Variants in RAD50 observed in about 807,000 individuals in gnomAD.
The protein encoded by RAD50 is RAD50 double strand break repair protein.
A neutral mutation model predicts 168.8 loss-of-function variants in RAD50; 132 were observed. That is an observed-to-expected ratio of 0.78 (90% CI 0.68 to 0.90). The LOEUF (loss-of-function observed/expected upper bound fraction) is 0.90, where lower values mean the gene tolerates loss of function less well. Among genes scored for constraint, RAD50 ranks in the 40% least tolerant of loss-of-function variants. The pLI is 0.00. For missense variants in RAD50, 1,347 were observed against 1,534.4 expected (o/e 0.88, Z 2.04); for synonymous variants, 525 against 497.4 (o/e 1.06, Z -0.74).
chr5:132,568,075 AAATTTTT>A (rs1324997734), intron 2 of RAD50, among the ~76,000 whole-genome samples: 1 of 151,460 alleles, frequency 6.6e-6, no homozygotes, highest in Admixed American at 6.6e-5. Context: ...AATTTTTTTT[AAATTTTT>A]TTTTTTGAGA....
chr5:132,634,385 A>C (rs1180093814), intron 21 of RAD50, among the ~76,000 whole-genome samples: 1 of 151,784 alleles, frequency 6.6e-6, no homozygotes, highest in Non-Finnish European at 1.5e-5. Context: ...TTGCCTCTAG[A>C]TAATAAAACT....
At position 132,595,814 on chromosome 5, in the gene RAD50, A is replaced by G. The variant is rs1279333634; in HGVS notation, c.2207+4A>G. The G allele has an allele frequency of 6.9e-6, 11 of 1,587,990 alleles. No individual in the cohort carries two copies. The East Asian group carries it at 1.8e-4, about 26-fold the overall frequency. ...TGCTGGGACTTGTGCCCATGAGGTAAGAATGGGATTTACCTTCACTGTACA... is the reference window on the plus strand; with the variant it reads ...TGCTGGGACTTGTGCCCATGAGGTAGGAATGGGATTTACCTTCACTGTACA... On this transcript the variant is annotated splice_donor_region_variant and intron_variant, in intron 13 of 24. Coordinates refer to ENST00000378823, the MANE Select transcript of RAD50 (RefSeq NM_005732.4).
chr5:132,595,078 T>C (rs770516258), intron 12 of RAD50, 34 bp downstream of exon 12: 1 of 1,572,350 alleles, frequency 6.4e-7, no homozygotes, highest in Non-Finnish European at 8.7e-7. Context: ...CAGGATACTT[T>C]GACACCTTTG....
intron 16 of RAD50, among the ~76,000 whole-genome samples, chr5:132,607,728 A>C (rs1288800692): frequency 6.6e-6 from 1 of 152,210 alleles, no homozygotes; most frequent in Non-Finnish European, 1.5e-5. Flanking sequence ...ATGAGTGCCT[A>C]AGTTTATGCA....
chr5:132,623,679 G>A (rs1053727880), intron 21 of RAD50, among the ~76,000 whole-genome samples: 10 of 152,148 alleles, frequency 6.6e-5, no homozygotes, highest in Non-Finnish European at 1.3e-4. Context: ...TGTGGCAGGA[G>A]AATTATTACT....
intron 13 of RAD50, among the ~76,000 whole-genome samples, chr5:132,599,464 GTCT>G (rs932110531): frequency 1.2e-4 from 19 of 152,320 alleles, no homozygotes; most frequent in African/African-American, 4.3e-4. Context: ...GAGAGAGGAA[GTCT>G]TCTTCCCAAT....
At chr5:132,580,807 T>C (rs967453675) in intron 5 of RAD50, among the ~76,000 whole-genome samples, 1 of 152,218 alleles carries the variant, frequency 6.6e-6, no homozygotes, top group Non-Finnish European at 1.5e-5. Context: ...CCTTAAGGTA[T>C]TCCTAGTCTA....
chr5:132,608,064 A>C (rs1367905939), intron 16 of RAD50, among the ~76,000 whole-genome samples: 1 of 152,254 alleles, frequency 6.6e-6, no homozygotes, highest in Non-Finnish European at 1.5e-5. Context: ...CACCAACATT[A>C]GTTTAACAGT....
At chr5:132,614,985 C>T (rs372654489) in intron 19 of RAD50, among the ~76,000 whole-genome samples, 15 of 152,318 alleles carry the variant, frequency 9.8e-5, no homozygotes, top group East Asian at 9.6e-4. Context: ...GTCCATCTCT[C>T]TCACTTCCCA....
At chr5:132,615,847 C>G (rs1751165175) in intron 19 of RAD50, among the ~76,000 whole-genome samples, 156 bp from the exon 20 acceptor site, 2 of 152,152 alleles carry the variant, frequency 1.3e-5, no homozygotes, top group African/African-American at 4.8e-5. Flanking sequence ...TGCCCCAGAC[C>G]TGTAGATTCC....
intron 5 of RAD50, 134 bp from the exon 6 acceptor site, chr5:132,587,428 C>T: frequency 2.2e-6 from 3 of 1,337,496 alleles, no homozygotes; most frequent in Non-Finnish European, 2.0e-6. Context: ...TAGGCCTGCT[C>T]TACAGTGTTA....
chr5:132,598,823 G>A (rs1750838174), intron 13 of RAD50, among the ~76,000 whole-genome samples: 9 of 152,200 alleles, frequency 5.9e-5, no homozygotes, highest in Admixed American at 5.2e-4. Flanking sequence ...GTCCTTTAAG[G>A]CCTAGACCAA....
At position 132,642,618 on chromosome 5, in the gene RAD50, A is replaced by T; in HGVS notation, c.*254A>T. 1 of 535,986 alleles carries T rather than the reference A, an allele frequency of 1.9e-6. No homozygotes were observed. The highest frequency in any genetic ancestry group is 3.3e-6 in the Non-Finnish European group (1 of 300,012). 33.2% of individuals were successfully genotyped at this position (535,986 alleles called of 1,614,324 possible). A position where few individuals can be genotyped will look rare whatever the true frequency, so the allele number is the denominator to read the frequency against. ...CTCTGTCAGGCCTTCAGGGTTCAGC[A>T]GTACAGCCGAGACTCGACTCTGTGC... is the stretch of plus-strand genomic sequence containing the variant. On this transcript the variant is annotated 3_prime_UTR_variant, in exon 25 of 25. Transcript: ENST00000378823.
intron 9 of RAD50, among the ~76,000 whole-genome samples, chr5:132,590,626 C>A (rs1264912034): frequency 1.3e-5 from 2 of 152,158 alleles, no homozygotes; most frequent in East Asian, 3.8e-4. Context: ...TCCATATTTT[C>A]TTTCTTGCTT....
At chr5:132,590,668 A>G (rs149465944) in intron 9 of RAD50, among the ~76,000 whole-genome samples, 24 of 152,250 alleles carry the variant, frequency 1.6e-4, no homozygotes, top group African/African-American at 5.5e-4. Context: ...CATCTCCATT[A>G]CCAAAGTAAG....
chr5:132,588,906 G>T lies in RAD50; in HGVS notation c.1245+26G>T, dbSNP rs752327716. The T allele has an allele frequency of 1.1e-5, 18 of 1,586,758 alleles. No individual in the cohort carries two copies. The Admixed American group carries it at 2.7e-4, about 24-fold the overall frequency. On this transcript the variant is annotated intron_variant, in intron 8 of 24. Transcript: ENST00000378823. Reference sequence around the variant, plus strand: ...GCAAGTATTTTGAAATACAGTATTTGTTATTTTGTTTGCATCATATTCTCT... The same window carrying T: ...GCAAGTATTTTGAAATACAGTATTTTTTATTTTGTTTGCATCATATTCTCT...
intron 1 of RAD50, among the ~76,000 whole-genome samples, chr5:132,557,710 C>A (rs1454631407): frequency 3.4e-4 from 52 of 152,328 alleles, no homozygotes; most frequent in African/African-American, 1.2e-3. Context: ...GCTGTCGCCG[C>A]TCACTCAGAG....
At chr5:132,602,027 T>C (rs1296930683) in intron 13 of RAD50, among the ~76,000 whole-genome samples, 1 of 152,092 alleles carries the variant, frequency 6.6e-6, no homozygotes, top group Non-Finnish European at 1.5e-5. Context: ...ATACCTAATG[T>C]AGATGATGGG....
rs753468016 is a variant in RAD50 at position 132,642,354 on chromosome 5, A to C, written c.3929A>C (p.Asn1310Thr). 9.9e-6 allele frequency: 16 copies of C among 1,613,344 alleles called. No individual in the cohort carries two copies. The highest frequency in any genetic ancestry group is 1.4e-5 in the Non-Finnish European group (16 of 1,179,372). ...VKCSVSSLGF[N>T]VH ...TGCAGTGTTAGCTCCCTGGGATTCA[A>C]TGTTCATTAAAAATATCCAAGATTT... The change falls in exon 25 of 25, where the codon AAT becomes ACT. Residue 1310 changes from asparagine (N) to threonine (T), a missense_variant. Coordinates refer to ENST00000378823, the MANE Select transcript of RAD50 (RefSeq NM_005732.4).
Sources: gnomAD v4.1 joint callset for allele counts (sites outside exome capture counted in the v4.1 genomes callset) on GRCh38, gnomAD v4.1.1 for gene constraint, MANE v1.5 for transcripts, NCBI Gene and HGNC (gene_info 2026-07-23, HGNC 2026-07-21) for gene names.